Variants in L1CAM observed in about 807,000 individuals in gnomAD.
L1CAM encodes neural cell adhesion molecule L1.
In L1CAM, 8 loss-of-function variants were observed where a neutral mutation model predicts 93.0. The observed-to-expected ratio is 0.09, with a 90% confidence interval of 0.05 to 0.16. The LOEUF (loss-of-function observed/expected upper bound fraction) is 0.16, where lower values mean the gene tolerates loss of function less well. Ranked by LOEUF, L1CAM falls within the 10% of genes least tolerant of loss-of-function variation. The probability of loss-of-function intolerance (pLI) is 1.00; values close to 1 mark genes in which losing one functional copy is unlikely to be tolerated. For synonymous variants in L1CAM, 453 were observed against 453.0 expected (o/e 1.00, Z 0.00); for missense variants, 777 against 1,073.4 (o/e 0.72, Z 3.86).
intron 1 of L1CAM, among the ~76,000 whole-genome samples, chrX:153,879,184 G>A (rs191882402): frequency 1.8e-4 from 20 of 109,804 alleles, no homozygotes; most frequent in Non-Finnish European, 3.6e-4. Context: ...AGCCAAGGCC[G>A]GGTCTGCCAA....
In L1CAM at chrX:153,869,527, G is replaced by A. The variant is rs782342513; in HGVS notation, c.1260C>T (p.Tyr420=). 6.6e-6 allele frequency: 8 copies of A among 1,211,109 alleles called. No individual in the cohort carries two copies. The South Asian group carries it at 1.1e-4, about 16-fold the overall frequency. Residue 420 remains tyrosine (Y), a synonymous_variant, in exon 11 of 29, where the codon TAC becomes TAT. Coordinates refer to ENST00000370060, the MANE Select transcript of L1CAM (RefSeq NM_001278116.2). ...GGAAGGGAGGGCACTCACGGACAAC[G>A]TAGATGTAGGCATTGGCCAGCAAGA... ...HGLLLANAYI[Y]VVQLPAKILT...
In L1CAM at chrX:153,870,504, C is replaced by T. The variant is rs782540250; in HGVS notation, c.695-5G>A. The T allele has an allele frequency of 8.3e-7, 1 of 1,201,375 alleles. No homozygotes were observed. Among genetic ancestry groups the T allele is most frequent in the Admixed American group, 2.2e-5 (1 of 46,041 alleles). ...TCCTGTCAATCATGCTGTTGGCTGC[C>T]AGGAGAAAGTGGGTGGGTGGGCTGC... On this transcript the variant is annotated splice_region_variant and splice_polypyrimidine_tract_variant and intron_variant, in intron 7 of 28. Transcript: ENST00000370060.
chrX:153,866,772 C>T lies in L1CAM; in HGVS notation c.2308G>A (p.Asp770Asn), dbSNP rs148516831. Residue 770 changes from aspartate (D) to asparagine (N), a missense_variant, in exon 19 of 29, where the codon GAC (aspartate) becomes AAC (asparagine). Coordinates refer to ENST00000370060, the MANE Select transcript of L1CAM (RefSeq NM_001278116.2). Reference sequence around the variant, plus strand: ...GTGTTGGACACCACCAGGAAGGGGTCGCTGACAATCTGCTCCTGCCAGGGC... The same window carrying T: ...GTGTTGGACACCACCAGGAAGGGGTTGCTGACAATCTGCTCCTGCCAGGGC... The part of the protein sequence containing the change: ...RGPWQEQIVS[D>N]PFLVVSNTST... The T allele has an allele frequency of 1.1e-5, 13 of 1,209,326 alleles. No individual in the cohort carries two copies. Among genetic ancestry groups the T allele is most frequent in the Admixed American group, 4.4e-5 (2 of 45,771 alleles).
At chrX:153,880,719 G>A in intron 1 of L1CAM, 1 of 336,410 alleles carries the variant, frequency 3.0e-6, no homozygotes, top group African/African-American at 2.6e-5. Context: ...AGTCCCAGAG[G>A]TGGGGGAAGC....
chrX:153,869,295 G>GCGGTCC, intron 11 of L1CAM: 1 of 477,045 alleles, frequency 2.1e-6, no homozygotes. Flanking sequence ...CTGTGGCACA[G>GCGGTCC]CGGTCCGCTC....
intron 5 of L1CAM, among the ~76,000 whole-genome samples, chrX:153,871,652 C>A (rs1367285310): frequency 9.1e-6 from 1 of 110,433 alleles, no homozygotes; most frequent in African/African-American, 3.3e-5. Flanking sequence ...GGATGGAATG[C>A]AAAGGGAAAA....
At chrX:153,883,204 G>A (rs1408805157) in intron 1 of L1CAM, among the ~76,000 whole-genome samples, 1 of 111,423 alleles carries the variant, frequency 9.0e-6, no homozygotes, top group Non-Finnish European at 1.9e-5. Context: ...GGGGGACAAG[G>A]AGAGGAGCAG....
chrX:153,864,703 C>T lies in L1CAM; in HGVS notation c.3048G>A (p.Gly1016=), dbSNP rs2064695498. 1.7e-6 allele frequency: 2 copies of T among 1,210,951 alleles called. No individual in the cohort carries two copies. Among genetic ancestry groups the T allele is most frequent in the Non-Finnish European group, 2.2e-6 (2 of 895,314 alleles). The change falls in exon 24 of 29, where the codon GGG becomes GGA. Residue 1016 remains glycine, a splice_region_variant and synonymous_variant. Coordinates refer to ENST00000370060, the MANE Select transcript of L1CAM (RefSeq NM_001278116.2). ...CTGAGATGTTGCCAAAATCTGAGAT[C>T]CCTGGGGGGATGCAGGGGAACGAGG... ...VREGGTMALS[G]ISDFGNISAT...
In L1CAM at chrX:153,872,343, G is replaced by T. The variant is rs782407054; in HGVS notation, c.209C>A (p.Thr70Lys). 1 of 1,208,496 alleles carries T rather than the reference G, an allele frequency of 8.3e-7. No individual in the cohort carries two copies. The highest frequency in any genetic ancestry group is 1.8e-5 in the South Asian group (1 of 56,551). The change falls in exon 5 of 29, where the codon ACG becomes AAG. Residue 70 changes from threonine to lysine, a missense_variant. Thr to Lys is a moderately conservative substitution (Grantham distance 78). This residue lies in a region of L1CAM where 574 missense variants were observed against 781.0 expected (regional missense o/e 0.73). Coordinates refer to ENST00000370060, the MANE Select transcript of L1CAM (RefSeq NM_001278116.2). ...GGGTTTGAAGTGGACACCATCCCTC[G>T]TCCAGCGGAACCTGTGGGCGGAAAA... The part of the protein sequence containing the change: ...SGKPEVQFRW[T>K]RDGVHFKPKE...
At chrX:153,868,506 G>A in intron 13 of L1CAM, 48 bp from the exon 14 acceptor site, 1 of 1,211,373 alleles carries the variant, frequency 8.3e-7, no homozygotes, top group Non-Finnish European at 1.1e-6. Flanking sequence ...TCCTCCAGAG[G>A]CCCAGACCCT....
At chrX:153,868,185 T>C (rs1035946747) in intron 14 of L1CAM, 63 bp from the exon 15 acceptor site, 1 of 949,274 alleles carries the variant, frequency 1.1e-6, no homozygotes, top group Non-Finnish European at 1.4e-6. Context: ...CATCCCTCCC[T>C]CCTGTCTCCT....
intron 1 of L1CAM, chrX:153,885,551 C>A (rs1254148597): frequency 7.8e-6 from 3 of 382,268 alleles, no homozygotes; most frequent in Non-Finnish European, 1.2e-5. Context: ...TCCCCTCCCC[C>A]CATTGCAGGG....
chrX:153,869,080 G>T, intron 11 of L1CAM, 128 bp from the exon 12 acceptor site: 3 of 546,217 alleles, frequency 5.5e-6, no homozygotes, highest in Non-Finnish European at 6.4e-6. Flanking sequence ...CCTGCTCCCA[G>T]CTGAGGCCCC....
chrX:153,876,020 C>T, intron 1 of L1CAM, 76 bp from the exon 2 acceptor site: 2 of 479,661 alleles, frequency 4.2e-6, no homozygotes, highest in Admixed American at 5.8e-5. Flanking sequence ...TGACTAACAT[C>T]TGGGTAAGCC....
At chrX:153,876,049 C>A in intron 1 of L1CAM, 105 bp from the exon 2 acceptor site, 1 of 460,610 alleles carries the variant, frequency 2.2e-6, no homozygotes, top group Non-Finnish European at 3.9e-6. Context: ...TGGCCCCGCC[C>A]TCAGCCCCGC....
At chrX:153,873,121 G>T in intron 3 of L1CAM, 107 bp downstream of exon 3, 2 of 793,599 alleles carry the variant, frequency 2.5e-6, no homozygotes, top group South Asian at 2.1e-5. Flanking sequence ...AGGGAGAGCC[G>T]AGCAGGGCCC....
intron 7 of L1CAM, 48 bp from the exon 8 acceptor site, chrX:153,870,547 C>A (rs202238203): frequency 2.8e-6 from 3 of 1,066,770 alleles, no homozygotes; most frequent in African/African-American, 1.8e-5. Context: ...TCCCTCCACC[C>A]CAGAATTGCA....
intron 1 of L1CAM, among the ~76,000 whole-genome samples, chrX:153,882,780 C>T (rs781914920): frequency 9.0e-6 from 1 of 111,711 alleles, no homozygotes; most frequent in Admixed American, 9.5e-5. Context: ...GGTGTAAGGG[C>T]CAGAGATGAG....
Position 153,865,366 on chromosome X carries a change from C to T in L1CAM, c.2682G>A (p.Glu894=). 8.3e-7 allele frequency: 1 copy of T among 1,211,558 alleles called. No homozygotes were observed. Reference sequence around the variant, plus strand: ...ATCCTCGCCCGTTAAAGGCCTGCACCTCCAGGTGGTAGGAGCTATAGGGCC... The same window carrying T: ...ATCCTCGCCCGTTAAAGGCCTGCACTTCCAGGTGGTAGGAGCTATAGGGCC... ...GLRPYSSYHL[E]VQAFNGRGSG... The change falls in exon 21 of 29, where the codon GAG becomes GAA. Residue 894 remains glutamate, a synonymous_variant. Coordinates refer to ENST00000370060, the MANE Select transcript of L1CAM (RefSeq NM_001278116.2).
Sources: gnomAD v4.1 joint callset for allele counts (sites outside exome capture counted in the v4.1 genomes callset) on GRCh38, gnomAD v4.1.1 for gene constraint, gnomAD v4.1.1 regional missense constraint, MANE v1.5 for transcripts, NCBI Gene and HGNC (gene_info 2026-07-23, HGNC 2026-07-21) for gene names.